The following EXOC6B variants were observed in gnomAD, a reference collection of about 807,000 sequenced individuals.
The protein encoded by EXOC6B is exocyst complex component 6B, also known as SEC15 homolog B.
Under a neutral mutation model 113.5 loss-of-function variants are expected in EXOC6B, and 54 were observed. That is an observed-to-expected ratio of 0.48 (90% confidence interval 0.38 to 0.60). EXOC6B has a LOEUF of 0.60. Among genes scored for constraint, EXOC6B ranks in the 20% least tolerant of loss-of-function variants. The pLI is 0.00. For synonymous variants in EXOC6B, 357 were observed against 339.0 expected, an observed-to-expected ratio of 1.05 and a Z score of -0.58; for missense variants, 797 against 977.5, an observed-to-expected ratio of 0.82 and a Z score of 2.46.
intron 6 of EXOC6B, among the ~76,000 whole-genome samples, chr2:72,689,989 A>T (rs753908096): frequency 2.6e-5 from 4 of 152,264 alleles, no homozygotes; most frequent in Non-Finnish European, 5.9e-5. Context: ...AAAACCCAGA[A>T]ATTAAACTGT....
intron 8 of EXOC6B, among the ~76,000 whole-genome samples, chr2:72,531,834 AT>A (rs1264419486): frequency 2.0e-5 from 3 of 152,054 alleles, no homozygotes; most frequent in Admixed American, 2.0e-4. Context: ...AAATACAAAA[AT>A]TAGCCAGGTG....
chr2:72,570,974 T>A (rs1362574810), intron 7 of EXOC6B, among the ~76,000 whole-genome samples: 1 of 152,162 alleles, frequency 6.6e-6, no homozygotes, highest in East Asian at 1.9e-4. Context: ...TATACATTAT[T>A]TCATTCAATC....
At chr2:72,421,405 T>A (rs1694858512) in intron 18 of EXOC6B, among the ~76,000 whole-genome samples, 1 of 152,226 alleles carries the variant, frequency 6.6e-6, no homozygotes, top group Non-Finnish European at 1.5e-5. Flanking sequence ...AATTATTTTA[T>A]TGATCATTCC....
intron 5 of EXOC6B, among the ~76,000 whole-genome samples, chr2:72,718,842 T>A (rs920247200): frequency 1.3e-5 from 2 of 152,124 alleles, no homozygotes; most frequent in African/African-American, 4.8e-5. Flanking sequence ...TGAGACTCAA[T>A]CTTAAAAAAA....
At chr2:72,390,544 T>C (rs189079750) in intron 18 of EXOC6B, among the ~76,000 whole-genome samples, 106 of 152,216 alleles carry the variant, frequency 7.0e-4, no homozygotes, top group African/African-American at 2.5e-3. Context: ...TAAGGAGGGT[T>C]GGGCTTTGTT....
At chr2:72,562,376 AT>A (rs1703937070) in intron 7 of EXOC6B, among the ~76,000 whole-genome samples, 2 of 152,038 alleles carry the variant, frequency 1.3e-5, no homozygotes, top group East Asian at 3.9e-4. Context: ...CCACATCTTG[AT>A]CTCCATTTAA....
At chr2:72,695,620 T>A (rs1468110398) in intron 6 of EXOC6B, among the ~76,000 whole-genome samples, 1 of 151,824 alleles carries the variant, frequency 6.6e-6, no homozygotes, top group Non-Finnish European at 1.5e-5. Context: ...AAAGTCAGGA[T>A]CTCCCTAACT....
rs541813706 is a variant in EXOC6B, at chr2:72,571,832, T to C, written c.846+3660A>G. 2.3e-4 allele frequency among the ~76,000 whole-genome samples: 34 copies of C among 149,466 alleles called. 1 individual carries two copies. Among genetic ancestry groups the C allele is most frequent in the African/African-American group, 7.4e-4 (30 of 40,624 alleles). ...TCTATTTACCATGTGTAGATCCATG[T>C]TCTAGGTGTTTAGCTTTTCCTACCC... On this transcript the variant is annotated intron_variant, in intron 7 of 21. Coordinates refer to ENST00000272427, the MANE Select transcript of EXOC6B (RefSeq NM_015189.3).
intron 1 of EXOC6B, among the ~76,000 whole-genome samples, chr2:72,818,176 G>A (rs1199902450): frequency 6.6e-6 from 1 of 151,870 alleles, no homozygotes; most frequent in Non-Finnish European, 1.5e-5. Flanking sequence ...GACGAGTCTC[G>A]CACTGTCTCC....
At chr2:72,680,026 T>C (rs1243687015) in intron 6 of EXOC6B, among the ~76,000 whole-genome samples, 1 of 152,206 alleles carries the variant, frequency 6.6e-6, no homozygotes, top group Non-Finnish European at 1.5e-5. Context: ...AGAGAATGCT[T>C]TTTTCCTAAA....
chr2:72,403,601 G>A (rs1488275895), intron 18 of EXOC6B, among the ~76,000 whole-genome samples: 1 of 152,186 alleles, frequency 6.6e-6, no homozygotes, highest in African/African-American at 2.4e-5. Flanking sequence ...GACTGAGGTG[G>A]GAGGATGGCT....
At chr2:72,187,827 G>A (rs1011463242) in intron 20 of EXOC6B, among the ~76,000 whole-genome samples, 5 of 151,120 alleles carry the variant, frequency 3.3e-5, no homozygotes, top group African/African-American at 9.9e-5. Context: ...CTGGGGACCT[G>A]CCCCATTCTG....
intron 6 of EXOC6B, among the ~76,000 whole-genome samples, chr2:72,629,302 GAAT>G (rs1672248284): frequency 6.6e-6 from 1 of 152,130 alleles, no homozygotes; most frequent in South Asian, 2.1e-4. Flanking sequence ...TGGCTTTTTT[GAAT>G]AACCACATTG....
At chr2:72,777,509 C>T (rs986185211) in intron 1 of EXOC6B, among the ~76,000 whole-genome samples, 1 of 151,840 alleles carries the variant, frequency 6.6e-6, no homozygotes, top group Non-Finnish European at 1.5e-5. Flanking sequence ...TAAGATATCC[C>T]CAGATAAACA....
chr2:72,220,163 T>C (rs1680777335), intron 20 of EXOC6B, among the ~76,000 whole-genome samples: 1 of 152,214 alleles, frequency 6.6e-6, no homozygotes, highest in Non-Finnish European at 1.5e-5. Flanking sequence ...TATCCATAGA[T>C]GGAAATCAGG....
chr2:72,803,307 A>C (rs1304772619), intron 1 of EXOC6B, among the ~76,000 whole-genome samples: 1 of 130,360 alleles, frequency 7.7e-6, no homozygotes, highest in Non-Finnish European at 1.5e-5. Context: ...AATTCTGAGC[A>C]AAAAAAAAAA....
intron 20 of EXOC6B, among the ~76,000 whole-genome samples, chr2:72,329,604 G>A (rs577493186): frequency 2.3e-4 from 35 of 152,116 alleles, no homozygotes; most frequent in African/African-American, 7.7e-4. Flanking sequence ...AGGGGGGAAT[G>A]TTCCTTCTAG....
intron 8 of EXOC6B, among the ~76,000 whole-genome samples, chr2:72,558,450 T>C (rs754908451): frequency 6.6e-6 from 1 of 152,144 alleles, no homozygotes; most frequent in African/African-American, 2.4e-5. Flanking sequence ...TCAGGAGTAA[T>C]GACAAAGTGG....
intron 15 of EXOC6B, among the ~76,000 whole-genome samples, chr2:72,494,002 C>T (rs1158938830): frequency 6.6e-6 from 1 of 152,084 alleles, no homozygotes; most frequent in African/African-American, 2.4e-5. Context: ...ATAAGGTAAA[C>T]ATATTCCAGG....
Sources: allele counts gnomAD v4.1 joint callset (sites outside exome capture counted in the v4.1 genomes callset), GRCh38; gene constraint gnomAD v4.1.1; transcripts MANE v1.5; gene names NCBI Gene and HGNC (gene_info 2026-07-23, HGNC 2026-07-21).